RPP38: variants seen among roughly 807,000 people sequenced by gnomAD.
The protein encoded by RPP38 is ribonuclease P protein subunit p38.
A neutral mutation model predicts 1.7 loss-of-function variants in RPP38; 2 were observed. The observed-to-expected ratio is 1.18, with a 90% confidence interval of 0.48 to 3.70. The LOEUF (loss-of-function observed/expected upper bound fraction) is 3.70, where lower values mean the gene tolerates loss of function less well. Ranked by LOEUF, RPP38 falls within the 30% of genes most tolerant of loss-of-function variation. The pLI is 0.07. For missense variants in RPP38, 358 were observed against 340.1 expected, an observed-to-expected ratio of 1.05 and a Z score of -0.41; for synonymous variants, 151 against 131.8, an observed-to-expected ratio of 1.15 and a Z score of -1.00.
rs544143644 is a variant in RPP38, at chr10:15,100,634, C to T, written c.-129-1584C>T. On this transcript the variant is annotated intron_variant, in intron 1 of 2. Coordinates refer to ENST00000378197, the MANE Select transcript of RPP38 (RefSeq NM_183005.5). ...GCTGTCCAGTGTGGAAACACCCTGT[C>T]CTACACCAGTGGTTCCTGATTCCGG... is the stretch of plus-strand genomic sequence containing the variant. Among the ~76,000 whole-genome samples the T allele has an allele frequency of 1.3e-4, 20 of 151,890 alleles. No individual in the cohort carries two copies. The South Asian group carries it at 1.9e-3, about 14-fold the overall frequency.
intron 2 of RPP38, chr10:15,102,953 C>T (rs531581027): frequency 2.5e-4 from 42 of 166,974 alleles, no homozygotes; most frequent in Non-Finnish European, 4.0e-4. Context: ...TTTGGGAGGC[C>T]GAGGTGGGTG....
chr10:15,102,542 A>G (rs1325594055), intron 2 of RPP38: 1 of 152,172 alleles, frequency 6.6e-6, no homozygotes, highest in Non-Finnish European at 1.5e-5. Context: ...TTTGGAAAAC[A>G]GTAACAAGTT....
At position 15,104,254 on chromosome 10, in the gene RPP38, T is replaced by G; in HGVS notation, c.*88T>G. 1 of 1,277,646 alleles carries G rather than the reference T, an allele frequency of 7.8e-7. No homozygotes were observed. Among genetic ancestry groups the G allele is most frequent in the Non-Finnish European group, 1.1e-6 (1 of 924,438 alleles). The allele number at this position is 1,277,646 out of a possible 1,614,324, so 79.1% of individuals were successfully genotyped here. A position where few individuals can be genotyped will look rare whatever the true frequency, so the allele number is the denominator to read the frequency against. On this transcript the variant is annotated 3_prime_UTR_variant, in exon 3 of 3. Transcript: ENST00000378197. ...ACTAATAAAATGAGTTATACTTACATAGATTCATAGGGTCCTGTTTGGTAA... is the reference window on the plus strand; with the variant it reads ...ACTAATAAAATGAGTTATACTTACAGAGATTCATAGGGTCCTGTTTGGTAA...
chr10:15,103,229 T>A lies in RPP38; in HGVS notation c.-10-76T>A, dbSNP rs1845170646. ...ACATAAATAAATAAGAATCAGAGAG[T>A]ACAGTCAAGATATTCTTAAGTCATG... is the stretch of plus-strand genomic sequence containing the variant. On this transcript the variant is annotated intron_variant, in intron 2 of 2. Coordinates refer to ENST00000378197, the MANE Select transcript of RPP38 (RefSeq NM_183005.5). 4 of 1,229,328 alleles carry A rather than the reference T, an allele frequency of 3.3e-6. No individual in the cohort carries two copies. In the South Asian group the frequency reaches 6.0e-5, roughly 18 times the overall value. 76.2% of individuals were successfully genotyped at this position (1,229,328 alleles called of 1,614,324 possible). A position where few individuals can be genotyped will look rare whatever the true frequency, so the allele number is the denominator to read the frequency against.
rs556800877 is a variant in RPP38 at position 15,100,449 on chromosome 10, G to A, written c.-129-1769G>A. Among the ~76,000 whole-genome samples, 3 of 152,226 alleles carry A rather than the reference G, an allele frequency of 2.0e-5. No homozygotes were observed. The South Asian group carries it at 6.2e-4, about 32-fold the overall frequency. On this transcript the variant is annotated intron_variant, in intron 1 of 2. Coordinates refer to ENST00000378197, the MANE Select transcript of RPP38 (RefSeq NM_183005.5). ...GGTCAGGGGACACAGTGTGGCCACC[G>A]TGAAGGAAGCAGCTTAGGCCCCAGA... is the stretch of plus-strand genomic sequence containing the variant.
In RPP38 at chr10:15,101,988, C is replaced by G. The variant is rs74645051; in HGVS notation, c.-129-230C>G. 8.5e-3 allele frequency among the ~76,000 whole-genome samples: 1,289 copies of G among 152,184 alleles called. 18 individuals carry two copies. Among genetic ancestry groups the G allele is most frequent in the Admixed American group, 0.038 (579 of 15,270 alleles). Reference sequence around the variant, plus strand: ...GGGCCCTGGGAGGTGGGGAGACTTACAAAAGTGGACGTGACAGTGTTATTT... The same window carrying G: ...GGGCCCTGGGAGGTGGGGAGACTTAGAAAAGTGGACGTGACAGTGTTATTT... On this transcript the variant is annotated intron_variant, in intron 1 of 2. Coordinates refer to ENST00000378197, the MANE Select transcript of RPP38 (RefSeq NM_183005.5).
chr10:15,103,907 CCA>C lies in RPP38; in HGVS notation c.594_595del (p.Arg199SerfsTer14), dbSNP rs777074095. ...GTGGACGAAGTAAGAGCCATCATCC[CCA>C]GAGTCCCCAGTTTAAGTGTACCATG... On this transcript the variant is annotated frameshift_variant, in exon 3 of 3. Transcript: ENST00000378197. LOFTEE classifies it low-confidence loss of function (END_TRUNC). 3.7e-6 allele frequency: 6 copies of C among 1,614,124 alleles called. No individual in the cohort carries two copies. Among genetic ancestry groups the C allele is most frequent in the Non-Finnish European group, 4.2e-6 (5 of 1,180,026 alleles).
chr10:15,103,962 G>A lies in RPP38; in HGVS notation c.648G>A (p.Gly216=). The A allele has an allele frequency of 1.2e-6, 2 of 1,613,992 alleles. No homozygotes were observed. Among genetic ancestry groups the A allele is most frequent in the Non-Finnish European group, 1.7e-6 (2 of 1,179,990 alleles). The change falls in exon 3 of 3, where the codon GGG becomes GGA. Residue 216 remains glycine (G), a synonymous_variant. Transcript: ENST00000378197. The part of the protein sequence containing the change: ...PWLQDRIEDS[G]ENLETEPLES... Reference sequence around the variant, plus strand: ...TTCAAGACAGAATTGAAGATTCTGGGGAAAATTTAGAGACTGAACCTCTGG... The same window carrying A: ...TTCAAGACAGAATTGAAGATTCTGGAGAAAATTTAGAGACTGAACCTCTGG...
chr10:15,099,060 A>C (rs1213963812), intron 1 of RPP38, among the ~76,000 whole-genome samples: 1 of 151,836 alleles, frequency 6.6e-6, no homozygotes, highest in African/African-American at 2.4e-5. Flanking sequence ...CTCTAAGCTC[A>C]TGAGGTCTGT....
chr10:15,098,022 C>G (rs1844992758), intron 1 of RPP38, among the ~76,000 whole-genome samples: 1 of 152,144 alleles, frequency 6.6e-6, no homozygotes, highest in African/African-American at 2.4e-5. Flanking sequence ...AGCGTCTTTG[C>G]TGCTCGGGGA....
chr10:15,104,044 A>G lies in RPP38; in HGVS notation c.730A>G (p.Arg244Gly), dbSNP rs868311782. 1.2e-6 allele frequency: 2 copies of G among 1,614,172 alleles called. No individual in the cohort carries two copies. Among genetic ancestry groups the G allele is most frequent in the African/African-American group, 2.7e-5 (2 of 75,056 alleles). ...ATTTGAAGATCTGTCAAAACCTAAG[A>G]GAAAGCTTGCTGACGGTCGGCAGGC... is the stretch of plus-strand genomic sequence containing the variant. ...TSFEDLSKPK[R>G]KLADGRQASV... The change falls in exon 3 of 3, where the codon AGA becomes GGA. Residue 244 changes from arginine (R) to glycine (G), a missense_variant. Arg to Gly is a moderately radical substitution (Grantham distance 125). Coordinates refer to ENST00000378197, the MANE Select transcript of RPP38 (RefSeq NM_183005.5).
chr10:15,100,499 A>T (rs185614462), intron 1 of RPP38, among the ~76,000 whole-genome samples: 1 of 152,072 alleles, frequency 6.6e-6, no homozygotes, highest in East Asian at 1.9e-4. Context: ...CTGTACCGAG[A>T]TGACCAGGGT....
chr10:15,102,090 A>G (rs533366411), intron 1 of RPP38, 128 bp from the exon 2 acceptor site: 1 of 152,314 alleles, frequency 6.6e-6, no homozygotes, highest in South Asian at 2.1e-4. Flanking sequence ...AGAGGCCACC[A>G]GAGTATTTGC....
intron 1 of RPP38, among the ~76,000 whole-genome samples, chr10:15,101,161 A>G (rs1845098484): frequency 6.6e-6 from 1 of 152,228 alleles, no homozygotes; most frequent in African/African-American, 2.4e-5. Flanking sequence ...GACTTTAGGC[A>G]GTGAGTCAGT....
intron 1 of RPP38, among the ~76,000 whole-genome samples, chr10:15,099,767 C>G (rs1489150634): frequency 6.6e-6 from 1 of 152,172 alleles, no homozygotes; most frequent in East Asian, 1.9e-4. Context: ...GTGTGAGCCA[C>G]CGTGCCCAGC....
At chr10:15,098,349 C>T (rs542779541) in intron 1 of RPP38, among the ~76,000 whole-genome samples, 2 of 150,204 alleles carry the variant, frequency 1.3e-5, no homozygotes, top group African/African-American at 4.9e-5. Flanking sequence ...CTCAGCCTCC[C>T]GAGTAGCTGG....
intron 1 of RPP38, among the ~76,000 whole-genome samples, chr10:15,098,940 C>G (rs973894740): frequency 6.6e-6 from 1 of 151,906 alleles, no homozygotes; most frequent in South Asian, 2.1e-4. Context: ...TCCCACCCCC[C>G]TCAACTAAGC....
rs751521255 is a variant in RPP38 at position 15,103,959 on chromosome 10, T to C, written c.645T>C (p.Ser215=). 1 of 1,613,972 alleles carries C rather than the reference T, an allele frequency of 6.2e-7. No individual in the cohort carries two copies. The highest frequency in any genetic ancestry group is 1.3e-5 in the African/African-American group (1 of 74,916). The change falls in exon 3 of 3, where the codon TCT becomes TCC. Residue 215 remains serine (S), a synonymous_variant. Transcript: ENST00000378197. The part of the protein sequence containing the change: ...VPWLQDRIED[S]GENLETEPLE... ...GGCTTCAAGACAGAATTGAAGATTC[T>C]GGGGAAAATTTAGAGACTGAACCTC...
At chr10:15,098,608 C>T (rs1179784325) in intron 1 of RPP38, among the ~76,000 whole-genome samples, 3 of 151,238 alleles carry the variant, frequency 2.0e-5, no homozygotes, top group African/African-American at 4.9e-5. Flanking sequence ...AGAGGTCCGG[C>T]CCGGCGCGGT....
Sources: allele counts gnomAD v4.1 joint callset (sites outside exome capture counted in the v4.1 genomes callset), GRCh38; gene constraint gnomAD v4.1.1; transcripts MANE v1.5; gene names NCBI Gene and HGNC (gene_info 2026-07-23, HGNC 2026-07-21).